PAK3: variants seen among roughly 807,000 people sequenced by gnomAD.
PAK3 encodes the protein serine/threonine-protein kinase PAK 3.
A neutral mutation model predicts 41.0 loss-of-function variants in PAK3; 4 were observed. The ratio of observed to expected loss-of-function variants is 0.10; its 90% confidence interval spans 0.05 to 0.22. PAK3 has a LOEUF of 0.22. PAK3 is among the 10% of genes least tolerant of loss of function. The probability of loss-of-function intolerance (pLI) is 1.00; values close to 1 mark genes in which losing one functional copy is unlikely to be tolerated. For synonymous variants in PAK3, 146 were observed against 139.6 expected, an observed-to-expected ratio of 1.05 and a Z score of -0.32; for missense variants, 205 against 409.9, an observed-to-expected ratio of 0.50 and a Z score of 4.32.
chrX:110,961,598 C>A (rs2090978332), intron 1 of PAK3, among the ~76,000 whole-genome samples: 1 of 111,812 alleles, frequency 8.9e-6, no homozygotes, highest in Admixed American at 9.5e-5. Context: ...TGGGTCTTTT[C>A]AAAATATCTA....
rs2092632972 is a variant in PAK3 at position 111,059,171 on chromosome X, CTTGT to C, written c.-27-63900_-27-63897del. 1.2e-4 allele frequency among the ~76,000 whole-genome samples: 5 copies of C among 43,020 alleles called. No individual in the cohort carries two copies. In the Admixed American group the frequency reaches 1.8e-3, roughly 15 times the overall value. 37.4% of individuals were successfully genotyped at this position (43,020 alleles called of 115,157 possible). A position where few individuals can be genotyped will look rare whatever the true frequency, so the allele number is the denominator to read the frequency against. On this transcript the variant is annotated intron_variant, in intron 1 of 14. Coordinates refer to the PAK3 transcript ENST00000425146. ...AAAGGCCATTGGAGGCTTTTGTTTG[CTTGT>C]TTGTTATGTTTTTGATACAGGGTAT...
At chrX:111,161,127 G>A (rs2149185175) in intron 8 of PAK3, among the ~76,000 whole-genome samples, 1 of 111,567 alleles carries the variant, frequency 9.0e-6, no homozygotes, top group East Asian at 2.8e-4. Flanking sequence ...TCCAGCACCT[G>A]TTGTTTCCTG....
chrX:111,070,421 A>G (rs2092734720), intron 1 of PAK3, among the ~76,000 whole-genome samples: 1 of 112,070 alleles, frequency 8.9e-6, no homozygotes, highest in Admixed American at 9.5e-5. Flanking sequence ...AAAAAGAGAC[A>G]TGATACCTTT....
chrX:111,116,014 A>G (rs923212827), intron 4 of PAK3, among the ~76,000 whole-genome samples: 1 of 111,124 alleles, frequency 9.0e-6, no homozygotes, highest in Non-Finnish European at 1.9e-5. Flanking sequence ...ATTTGAGGAC[A>G]TTTGTTGATA....
intron 1 of PAK3, among the ~76,000 whole-genome samples, chrX:111,087,766 C>CA (rs3066000): frequency 1.2e-4 from 11 of 92,657 alleles, no homozygotes; most frequent in African/African-American, 4.6e-4. Context: ...AAAAAAAAAA[C>CA]AAAAAAAAAA....
At chrX:111,110,258 C>T (rs767755157) in intron 4 of PAK3, among the ~76,000 whole-genome samples, 3 of 112,057 alleles carry the variant, frequency 2.7e-5, no homozygotes, top group East Asian at 2.8e-4. Flanking sequence ...CTACTGGTGA[C>T]GTGATCACCC....
intron 10 of PAK3, among the ~76,000 whole-genome samples, chrX:111,169,835 A>G (rs1336795398): frequency 8.9e-6 from 1 of 112,098 alleles, no homozygotes; most frequent in East Asian, 2.8e-4. Flanking sequence ...TGCTTAGAGC[A>G]TAAAGTTCTA....
rs199750027 is a variant in PAK3 at position 110,988,578 on chromosome X, G to GAAAT, written c.-28+43952_-28+43955dup. 1.9e-3 allele frequency among the ~76,000 whole-genome samples: 208 copies of GAAAT among 111,586 alleles called. No individual in the cohort carries two copies. In the East Asian group the frequency reaches 0.035, roughly 19 times the overall value. On this transcript the variant is annotated intron_variant, in intron 1 of 14. Transcript: ENST00000425146. Reference sequence around the variant, plus strand: ...ACCTTGACATTGGACAAAATTATTTGAAATACTCATTTCTTATTTGGAGAA... The same window carrying GAAAT: ...ACCTTGACATTGGACAAAATTATTTGAAATAAATACTCATTTCTTATTTGGAGAA...
At chrX:111,172,972 C>G (rs759154593) in intron 10 of PAK3, 46 bp from the exon 11 acceptor site, 3 of 685,185 alleles carry the variant, frequency 4.4e-6, no homozygotes, top group Non-Finnish European at 7.1e-6. Flanking sequence ...CTCTCTCTCT[C>G]TCTTCCACCT....
chrX:111,006,006 C>T (rs1239395546), intron 1 of PAK3, among the ~76,000 whole-genome samples: 1 of 111,341 alleles, frequency 9.0e-6, no homozygotes, highest in Non-Finnish European at 1.9e-5. Flanking sequence ...GAGTTCCTAT[C>T]CCAGCAATAG....
Position 110,969,094 on chromosome X carries a change from A to ATTTTTTTTTTTTTTTTT in PAK3, c.-28+24475_-28+24491dup, listed in dbSNP as rs60724970. Reference sequence around the variant, plus strand: ...AGGCATGTGCTACCAGACCTGCCTAATTTTTTTTTTTTTTTTTTTTTTTTT... The same window carrying ATTTTTTTTTTTTTTTTT: ...AGGCATGTGCTACCAGACCTGCCTAATTTTTTTTTTTTTTTTTTTTTTTTTTTTTTTTTTTTTTTTTT... On this transcript the variant is annotated intron_variant, in intron 1 of 14. Coordinates refer to the PAK3 transcript ENST00000425146. Among the ~76,000 whole-genome samples, 141 of 40,594 alleles carry ATTTTTTTTTTTTTTTTT rather than the reference A, an allele frequency of 3.5e-3. 1 individual carries two copies. Among genetic ancestry groups the ATTTTTTTTTTTTTTTTT allele is most frequent in the Admixed American group, 4.4e-3 (9 of 2,059 alleles). The allele number at this position is 40,594 out of a possible 115,157, so 35.3% of individuals were successfully genotyped here. A position where few individuals can be genotyped will look rare whatever the true frequency, so the allele number is the denominator to read the frequency against.
rs987285675 is a variant in PAK3, at chrX:111,220,607, T to G, written c.*160T>G. 1.0e-5 allele frequency: 5 copies of G among 480,308 alleles called. No individual in the cohort carries two copies. Among genetic ancestry groups the G allele is most frequent in the Non-Finnish European group, 1.5e-5 (4 of 268,845 alleles). 39.6% of individuals were successfully genotyped at this position (480,308 alleles called of 1,213,427 possible). On this transcript the variant is annotated 3_prime_UTR_variant, in exon 18 of 18. Transcript: ENST00000372007. ...TAAGCCTTTTTCCTACTCCCTCAGA[T>G]TATGTAATTTATTTGTAAGCCTGAA...
At chrX:110,998,546 G>C (rs763324747) in intron 1 of PAK3, among the ~76,000 whole-genome samples, 1 of 112,152 alleles carries the variant, frequency 8.9e-6, no homozygotes, top group Admixed American at 9.4e-5. Context: ...AATGCTTCAA[G>C]GTTTTAGTAA....
intron 4 of PAK3, among the ~76,000 whole-genome samples, chrX:111,104,974 C>T (rs190494873): frequency 9.0e-6 from 1 of 111,166 alleles, no homozygotes; most frequent in African/African-American, 3.3e-5. Context: ...TTAGTTCATG[C>T]ACATACACAT....
chrX:111,218,560 G>T (rs184823564), intron 17 of PAK3, among the ~76,000 whole-genome samples: 1 of 111,839 alleles, frequency 8.9e-6, no homozygotes, highest in East Asian at 2.8e-4. Context: ...GATTTCAAAT[G>T]GAAGGAAGTG....
chrX:111,116,829 A>G (rs1264085311), intron 4 of PAK3, among the ~76,000 whole-genome samples: 1 of 112,425 alleles, frequency 8.9e-6, no homozygotes, highest in Admixed American at 9.4e-5. Context: ...TATCTCTTAC[A>G]TGATCTAAGA....
At chrX:111,024,207 T>C (rs1441701564) in intron 1 of PAK3, among the ~76,000 whole-genome samples, 1 of 111,781 alleles carries the variant, frequency 8.9e-6, no homozygotes. Flanking sequence ...TGGTTGTAGA[T>C]GTGTGGTGTT....
chrX:111,214,401 C>G (rs2094854257), intron 16 of PAK3, among the ~76,000 whole-genome samples: 1 of 111,514 alleles, frequency 9.0e-6, no homozygotes, highest in Non-Finnish European at 1.9e-5. Flanking sequence ...GGGGTGAGAA[C>G]TGAGCATGGG....
At chrX:111,070,905 C>T (rs73539056) in intron 1 of PAK3, among the ~76,000 whole-genome samples, 2,002 of 111,660 alleles carry the variant, frequency 0.018, 56 homozygotes, top group African/African-American at 0.062. Context: ...CATGCTGTGC[C>T]CCTGGTAGGG....
Sources: gnomAD v4.1 joint callset for allele counts (sites outside exome capture counted in the v4.1 genomes callset) on GRCh38, gnomAD v4.1.1 for gene constraint, MANE v1.5 for transcripts, NCBI Gene and HGNC (gene_info 2026-07-23, HGNC 2026-07-21) for gene names.